The following RYR3 variants were observed in gnomAD, a reference collection of about 807,000 sequenced individuals.
RYR3 encodes brain ryanodine receptor-calcium release channel.
RYR3 carries 207 observed loss-of-function variants against 584.3 expected under a neutral mutation model. The ratio of observed to expected loss-of-function variants is 0.35; its 90% CI spans 0.32 to 0.40. RYR3 has a LOEUF of 0.40. RYR3 is among the 10% of genes least tolerant of loss of function. The pLI, the probability that RYR3 is intolerant of heterozygous loss-of-function variation, is 1.00. For missense variants in RYR3, 5,616 were observed against 6,089.2 expected, an observed-to-expected ratio of 0.92 and a Z score of 2.59; for synonymous variants, 2,416 against 2,248.5, an observed-to-expected ratio of 1.07 and a Z score of -2.11.
At chr15:33,333,030 T>C (rs1970540345) in intron 1 of RYR3, among the ~76,000 whole-genome samples, 1 of 144,892 alleles carries the variant, frequency 6.9e-6, no homozygotes, top group Non-Finnish European at 1.5e-5. Flanking sequence ...CAGTAACAAT[T>C]TTTGAAACTG....
intron 1 of RYR3, among the ~76,000 whole-genome samples, chr15:33,403,995 TAA>T (rs1481758527): frequency 2.0e-5 from 3 of 152,218 alleles, no homozygotes; most frequent in Non-Finnish European, 4.4e-5. Context: ...AATTGAAAGA[TAA>T]ACAGTTGTTT....
chr15:33,804,929 C>T (rs757772151), intron 69 of RYR3, among the ~76,000 whole-genome samples: 5 of 152,012 alleles, frequency 3.3e-5, no homozygotes, highest in Non-Finnish European at 7.4e-5. Flanking sequence ...TATGCCGTTG[C>T]GAATGGAAAG....
Position 33,475,433 on chromosome 15 carries a change from T to G in RYR3, c.171+1895T>G, listed in dbSNP as rs188977276. Among the ~76,000 whole-genome samples, 6 of 152,254 alleles carry G rather than the reference T, an allele frequency of 3.9e-5. No homozygotes were observed. In the East Asian group the frequency reaches 1.2e-3, roughly 29 times the overall value. ...CACCTCAGATCATCGGGCATTAGAT[T>G]CTCATAAGGAGCGTGCAACCTAGAT... On this transcript the variant is annotated intron_variant, in intron 2 of 103. Coordinates refer to ENST00000634891, the MANE Select transcript of RYR3 (RefSeq NM_001036.6).
chr15:33,321,297 A>G (rs534028175), intron 1 of RYR3, among the ~76,000 whole-genome samples: 47 of 152,334 alleles, frequency 3.1e-4, no homozygotes, highest in African/African-American at 1.1e-3. Context: ...CCAAGGATAC[A>G]AAGCATGGAC....
intron 10 of RYR3, among the ~76,000 whole-genome samples, chr15:33,551,836 A>C (rs1468331615): frequency 6.6e-6 from 1 of 152,150 alleles, no homozygotes; most frequent in Non-Finnish European, 1.5e-5. Flanking sequence ...CCAGGAAGTG[A>C]TTTAGAGCAG....
At chr15:33,422,562 G>A (rs1183386727) in intron 1 of RYR3, among the ~76,000 whole-genome samples, 1 of 152,130 alleles carries the variant, frequency 6.6e-6, no homozygotes, top group South Asian at 2.1e-4. Flanking sequence ...GCTTGATCAT[G>A]GATTCATTAG....
chr15:33,351,678 A>T (rs1467567561), intron 1 of RYR3, among the ~76,000 whole-genome samples: 1 of 151,178 alleles, frequency 6.6e-6, no homozygotes, highest in Non-Finnish European at 1.5e-5. Context: ...ATCTCAATAG[A>T]TGCAGAAAAG....
At chr15:33,754,370 C>T (rs1188741573) in intron 57 of RYR3, among the ~76,000 whole-genome samples, 1 of 152,222 alleles carries the variant, frequency 6.6e-6, no homozygotes, top group Non-Finnish European at 1.5e-5. Context: ...TAAGGATGGC[C>T]TGTAGGGACG....
At position 33,634,749 on chromosome 15, in the gene RYR3, T is replaced by C. The variant is rs2061423335; in HGVS notation, c.3175+16T>C. 6.2e-7 allele frequency: 1 copy of C among 1,610,624 alleles called. No homozygotes were observed. Among genetic ancestry groups the C allele is most frequent in the Non-Finnish European group, 8.5e-7 (1 of 1,177,154 alleles). The stretch of plus-strand genomic sequence containing the variant: ...CAAGAACTAGGTAATGAGTTGAGAG[T>C]GTTTATTCTGGCCCCAGTTTACTAA... On this transcript the variant is annotated intron_variant, in intron 25 of 103. Coordinates refer to ENST00000634891, the MANE Select transcript of RYR3 (RefSeq NM_001036.6).
chr15:33,662,104 G>C (rs534119183), intron 34 of RYR3, 49 bp from the exon 35 acceptor site: 1 of 1,450,224 alleles, frequency 6.9e-7, no homozygotes. Flanking sequence ...GCTGGATTCT[G>C]GTGGGTTCTT....
At chr15:33,449,500 G>A (rs2046934782) in intron 1 of RYR3, among the ~76,000 whole-genome samples, 1 of 152,194 alleles carries the variant, frequency 6.6e-6, no homozygotes, top group South Asian at 2.1e-4. Flanking sequence ...CAGGAGGCAG[G>A]AATCACTGAA....
At chr15:33,627,253 A>G (rs1292035972) in intron 20 of RYR3, among the ~76,000 whole-genome samples, 1 of 152,218 alleles carries the variant, frequency 6.6e-6, no homozygotes, top group Non-Finnish European at 1.5e-5. Context: ...CCCATTTCTT[A>G]GGGATTGTCA....
chr15:33,479,591 A>G (rs1440043110), intron 2 of RYR3, among the ~76,000 whole-genome samples: 1 of 152,044 alleles, frequency 6.6e-6, no homozygotes, highest in Non-Finnish European at 1.5e-5. Context: ...TATAAAGCAA[A>G]CATTGTCCTC....
In RYR3 at chr15:33,580,075, G is replaced by A. The variant is rs1398817278; in HGVS notation, c.1368G>A (p.Glu456=). ...CCTACTTCCAGCCCCCAGAGGAGGA[G>A]ATGCGACATGAAGACAAGCAGAACA... ...LIAYFQPPEE[E]MRHEDKQNKL... is the part of the protein sequence containing the mutation. The change falls in exon 13 of 104, where the codon GAG becomes GAA. Residue 456 remains glutamate (E), a synonymous_variant. Coordinates refer to ENST00000634891, the MANE Select transcript of RYR3 (RefSeq NM_001036.6). 6.2e-7 allele frequency: 1 copy of A among 1,613,646 alleles called. No individual in the cohort carries two copies. Among genetic ancestry groups the A allele is most frequent in the Admixed American group, 1.7e-5 (1 of 59,976 alleles).
Position 33,745,243 on chromosome 15 carries a change from G to A in RYR3, c.7900-825G>A, listed in dbSNP as rs572887320. Among the ~76,000 whole-genome samples, 18 of 152,156 alleles carry A rather than the reference G, an allele frequency of 1.2e-4. No homozygotes were observed. In the South Asian group the frequency reaches 3.5e-3, roughly 30 times the overall value. ...GGAGACATGTAGAGAAGTAATTTGA[G>A]GGGTGCCTGTGGAACATCCAAGCAA... On this transcript the variant is annotated intron_variant, in intron 52 of 103. Coordinates refer to ENST00000634891, the MANE Select transcript of RYR3 (RefSeq NM_001036.6).
intron 4 of RYR3, among the ~76,000 whole-genome samples, chr15:33,532,558 G>A (rs1003245611): frequency 1.3e-5 from 2 of 152,008 alleles, no homozygotes; most frequent in South Asian, 2.1e-4. Flanking sequence ...TTCATGTATT[G>A]TAAATAATGT....
At chr15:33,767,663 C>T (rs2073210679) in intron 60 of RYR3, among the ~76,000 whole-genome samples, 1 of 152,196 alleles carries the variant, frequency 6.6e-6, no homozygotes, top group African/African-American at 2.4e-5. Flanking sequence ...GAATCAGAAA[C>T]TGGGAATGTG....
intron 31 of RYR3, among the ~76,000 whole-genome samples, chr15:33,652,358 A>T (rs562708157): frequency 2.0e-5 from 3 of 152,138 alleles, no homozygotes; most frequent in East Asian, 3.9e-4. Flanking sequence ...AAGTTTGCCG[A>T]AGGTGGTCAT....
At chr15:33,646,116 G>A (rs1441550594) in intron 28 of RYR3, among the ~76,000 whole-genome samples, 1 of 152,196 alleles carries the variant, frequency 6.6e-6, no homozygotes, top group Non-Finnish European at 1.5e-5. Context: ...GCCTTACAGA[G>A]AACCCAGTGA....
Sources: gnomAD v4.1 joint callset for allele counts (sites outside exome capture counted in the v4.1 genomes callset) on GRCh38, gnomAD v4.1.1 for gene constraint, MANE v1.5 for transcripts, NCBI Gene and HGNC (gene_info 2026-07-23, HGNC 2026-07-21) for gene names.